The following PLD5 variants were observed in gnomAD, a reference collection of about 807,000 sequenced individuals.
The protein encoded by PLD5 is inactive phospholipase D5.
A neutral mutation model predicts 61.1 loss-of-function variants in PLD5; 36 were observed. That is an observed-to-expected ratio of 0.59 (90% CI 0.45 to 0.78). PLD5 has a LOEUF of 0.78. PLD5 is among the 30% of genes least tolerant of loss of function. PLD5 has a pLI of 0.00. For missense variants in PLD5, 515 were observed against 644.4 expected, an observed-to-expected ratio of 0.80 and a Z score of 2.17; for synonymous variants, 243 against 242.8, an observed-to-expected ratio of 1.00 and a Z score of -0.01.
rs187271927 is a variant in PLD5, at chr1:242,143,098, G to A, written c.736-18433C>T. Among the ~76,000 whole-genome samples, 139 of 150,518 alleles carry A rather than the reference G, an allele frequency of 9.2e-4. 3 individuals carry two copies. The highest frequency in any genetic ancestry group is 6.7e-3 in the Admixed American group (101 of 15,106). The stretch of plus-strand genomic sequence containing the variant: ...GCTGGAGTACAGTGGTGCCATCTCC[G>A]CTCACTGCAACCTCCATCTCCTAGG... On this transcript the variant is annotated intron_variant, in intron 5 of 9. Coordinates refer to ENST00000536534, the MANE Select transcript of PLD5 (RefSeq NM_001372062.1).
chr1:242,442,264 A>G (rs568825914), intron 1 of PLD5, among the ~76,000 whole-genome samples: 13 of 152,264 alleles, frequency 8.5e-5, no homozygotes, highest in Admixed American at 4.6e-4. Flanking sequence ...TCACATACTC[A>G]TTGTCATGAA....
chr1:242,477,586 G>A (rs1350846837), intron 1 of PLD5, among the ~76,000 whole-genome samples: 1 of 152,214 alleles, frequency 6.6e-6, no homozygotes, highest in Non-Finnish European at 1.5e-5. Flanking sequence ...GAGGGGAACA[G>A]TAGCAGCTCA....
intron 2 of PLD5, among the ~76,000 whole-genome samples, chr1:242,332,416 G>A (rs1361215410): frequency 1.3e-5 from 2 of 152,094 alleles, no homozygotes; most frequent in East Asian, 3.9e-4. Flanking sequence ...GAATTGCTGG[G>A]TCAAATGATA....
At chr1:242,515,145 G>A (rs1462662178) in intron 1 of PLD5, among the ~76,000 whole-genome samples, 6 of 152,238 alleles carry the variant, frequency 3.9e-5, no homozygotes, top group African/African-American at 1.4e-4. Flanking sequence ...ACCCTCAGAA[G>A]TAATCGCTAA....
chr1:242,159,627 G>A (rs1294037134), intron 5 of PLD5, among the ~76,000 whole-genome samples: 1 of 152,082 alleles, frequency 6.6e-6, no homozygotes, highest in Non-Finnish European at 1.5e-5. Flanking sequence ...TGTAATCACT[G>A]GGTATATCTG....
chr1:242,374,388 C>T (rs1168796952), intron 1 of PLD5, among the ~76,000 whole-genome samples: 1 of 152,158 alleles, frequency 6.6e-6, no homozygotes, highest in Admixed American at 6.6e-5. Context: ...TCCTTCATCA[C>T]CAAGGTTTTC....
chr1:242,206,271 G>T (rs937607443), intron 5 of PLD5, among the ~76,000 whole-genome samples: 3 of 152,198 alleles, frequency 2.0e-5, no homozygotes, highest in Non-Finnish European at 2.9e-5. Flanking sequence ...GAGGCGGAAA[G>T]TGCTGCCGCC....
At chr1:242,510,698 AG>A (rs1391084215) in intron 1 of PLD5, among the ~76,000 whole-genome samples, 12 of 152,018 alleles carry the variant, frequency 7.9e-5, no homozygotes, top group Admixed American at 2.6e-4. Flanking sequence ...ACAAGAAAAT[AG>A]CTGGGCGGGG....
chr1:242,213,448 A>C (rs957440333), intron 5 of PLD5, among the ~76,000 whole-genome samples: 2 of 152,212 alleles, frequency 1.3e-5, no homozygotes, highest in Admixed American at 1.3e-4. Context: ...TAAAAGGTTT[A>C]ATTATTGCAC....
At chr1:242,264,233 C>A (rs970422010) in intron 4 of PLD5, among the ~76,000 whole-genome samples, 1 of 152,166 alleles carries the variant, frequency 6.6e-6, no homozygotes, top group Non-Finnish European at 1.5e-5. Context: ...TGTCAATCCA[C>A]TGAACTGGGC....
chr1:242,384,963 G>A (rs777114483), intron 1 of PLD5, among the ~76,000 whole-genome samples: 7 of 152,210 alleles, frequency 4.6e-5, no homozygotes, highest in East Asian at 1.9e-4. Flanking sequence ...ATTCTGAGTC[G>A]GAGGAAGGAA....
At chr1:242,382,908 T>C (rs1331678475) in intron 1 of PLD5, among the ~76,000 whole-genome samples, 2 of 152,240 alleles carry the variant, frequency 1.3e-5, no homozygotes, top group Non-Finnish European at 2.9e-5. Context: ...CTTCAAGGAC[T>C]GATATGTCTT....
intron 1 of PLD5, among the ~76,000 whole-genome samples, chr1:242,456,636 T>C (rs1463840686): frequency 1.3e-5 from 2 of 152,202 alleles, no homozygotes; most frequent in Non-Finnish European, 2.9e-5. Context: ...TTGGTGATGG[T>C]CTATATCAGA....
Position 242,089,405 on chromosome 1 carries a change from G to GTCTC in PLD5, c.*448_*449insGAGA. On this transcript the variant is annotated 3_prime_UTR_variant, in exon 10 of 10. Coordinates refer to ENST00000536534, the MANE Select transcript of PLD5 (RefSeq NM_001372062.1). ...AGCTGACTGTGTAGGTCTTGGAGAC[G>GTCTC]ATTTACAAGAATAAACACTTGGTTT... 1.2e-5 allele frequency: 5 copies of GTCTC among 401,670 alleles called. No individual in the cohort carries two copies. Among genetic ancestry groups the GTCTC allele is most frequent in the South Asian group, 2.4e-4 (2 of 8,258 alleles). The allele number at this position is 401,670 out of a possible 1,614,324, so 24.9% of individuals were successfully genotyped here. A position where few individuals can be genotyped will look rare whatever the true frequency, so the allele number is the denominator to read the frequency against.
intron 1 of PLD5, among the ~76,000 whole-genome samples, chr1:242,431,313 C>G (rs1420677323): frequency 6.6e-6 from 1 of 152,206 alleles, no homozygotes. Flanking sequence ...TTAAAGAACA[C>G]AGATATCTGT....
chr1:242,114,170 T>C, intron 6 of PLD5, 144 bp from the exon 7 acceptor site: 1 of 889,478 alleles, frequency 1.1e-6, no homozygotes, highest in East Asian at 2.7e-5. Context: ...GACAAAGATA[T>C]TTTCAATCTT....
At chr1:242,452,013 G>C (rs372832853) in intron 1 of PLD5, among the ~76,000 whole-genome samples, 3 of 152,004 alleles carry the variant, frequency 2.0e-5, no homozygotes, top group African/African-American at 4.8e-5. Context: ...CGGGGGCTTC[G>C]GCTCAGTCCT....
intron 2 of PLD5, among the ~76,000 whole-genome samples, chr1:242,313,998 C>T (rs1676860696): frequency 6.6e-6 from 1 of 152,126 alleles, no homozygotes; most frequent in African/African-American, 2.4e-5. Flanking sequence ...TTTTCCTAGA[C>T]TTAGTGGTCA....
intron 2 of PLD5, among the ~76,000 whole-genome samples, chr1:242,304,915 G>A (rs947598265): frequency 1.3e-5 from 2 of 152,062 alleles, no homozygotes; most frequent in African/African-American, 2.4e-5. Context: ...ACCAGCCTGG[G>A]CAACATGGTG....
Sources: allele counts gnomAD v4.1 joint callset (sites outside exome capture counted in the v4.1 genomes callset), GRCh38; gene constraint gnomAD v4.1.1; transcripts MANE v1.5; gene names NCBI Gene and HGNC (gene_info 2026-07-23, HGNC 2026-07-21).